Variants in UIMC1 observed in about 807,000 individuals in gnomAD.
UIMC1 encodes the protein ubiquitin interaction motif containing 1, also known as BRCA1-A complex subunit RAP80.
A neutral mutation model predicts 84.9 loss-of-function variants in UIMC1; 42 were observed. The ratio of observed to expected loss-of-function variants is 0.49; its 90% CI spans 0.39 to 0.64. The LOEUF (loss-of-function observed/expected upper bound fraction) is 0.64. UIMC1 is among the 30% of genes least tolerant of loss of function. The pLI, the probability that UIMC1 is intolerant of heterozygous loss-of-function variation, is 0.00. For synonymous variants in UIMC1, 281 were observed against 293.0 expected, an observed-to-expected ratio of 0.96 and a Z score of 0.42; for missense variants, 825 against 847.6, an observed-to-expected ratio of 0.97 and a Z score of 0.33.
chr5:176,907,495 C>T (rs1270296665), intron 12 of UIMC1, among the ~76,000 whole-genome samples: 3 of 152,188 alleles, frequency 2.0e-5, no homozygotes, highest in Non-Finnish European at 2.9e-5. Context: ...TCCAAATCTC[C>T]GCCTCAAAAT....
intron 10 of UIMC1, chr5:176,919,296 C>T (rs1761413956): frequency 5.3e-6 from 1 of 188,612 alleles, no homozygotes; most frequent in Non-Finnish European, 1.2e-5. Context: ...GGATACTAAA[C>T]CCTTAACATA....
At chr5:176,919,176 G>A in intron 10 of UIMC1, 1 of 405,266 alleles carries the variant, frequency 2.5e-6, no homozygotes, top group South Asian at 1.7e-5. Flanking sequence ...GTACCTGGGA[G>A]GCTGAGGTGG....
chr5:176,958,014 A>G (rs1345856165), intron 7 of UIMC1, 79 bp downstream of exon 7: 48 of 1,399,674 alleles, frequency 3.4e-5, no homozygotes, highest in Non-Finnish European at 6.0e-6. Flanking sequence ...CTGTCCACGT[A>G]CAGTCTCACT....
At chr5:177,015,007 C>A (rs1669392199) in intron 1 of UIMC1, among the ~76,000 whole-genome samples, 1 of 152,154 alleles carries the variant, frequency 6.6e-6, no homozygotes. Context: ...CCAAGGAGAA[C>A]AGATCACCTG....
At chr5:176,915,793 C>CA (rs58297107) in intron 10 of UIMC1, among the ~76,000 whole-genome samples, 2,807 of 42,484 alleles carry the variant, frequency 0.066, 60 homozygotes, top group East Asian at 0.11. Flanking sequence ...GGTCACAAAG[C>CA]AAAAAAAAAA....
chr5:176,905,250 A>C lies in UIMC1; in HGVS notation c.*32T>G, dbSNP rs753908921. On this transcript the variant is annotated 3_prime_UTR_variant, in exon 15 of 15. Transcript: ENST00000511320. ...ATGAACATGGCCCACCCCTCCTACTAATGGTTTTGTCAACTTTTGGACCCT... is the reference window on the plus strand; with the variant it reads ...ATGAACATGGCCCACCCCTCCTACTCATGGTTTTGTCAACTTTTGGACCCT... 6.2e-7 allele frequency: 1 copy of C among 1,608,522 alleles called. No homozygotes were observed. Among genetic ancestry groups the C allele is most frequent in the Non-Finnish European group, 8.5e-7 (1 of 1,176,112 alleles).
chr5:176,905,668 A>C, intron 14 of UIMC1, 176 bp from the exon 15 acceptor site: 1 of 682,758 alleles, frequency 1.5e-6, no homozygotes, highest in Non-Finnish European at 2.4e-6. Context: ...TGGGTAAATC[A>C]TATACTACTT....
At chr5:177,014,007 A>C (rs79928632) in intron 1 of UIMC1, among the ~76,000 whole-genome samples, 4,133 of 149,972 alleles carry the variant, frequency 0.028, 207 homozygotes, top group African/African-American at 0.096. Flanking sequence ...AGCATAAACT[A>C]TATTGTTTGC....
chr5:176,940,734 T>TA (rs541967815), intron 10 of UIMC1, among the ~76,000 whole-genome samples: 10 of 151,800 alleles, frequency 6.6e-5, no homozygotes, highest in African/African-American at 1.2e-4. Flanking sequence ...TAGAGACCCT[T>TA]AAAAAAAAAT....
chr5:176,941,264 C>A (rs1007762967), intron 10 of UIMC1, among the ~76,000 whole-genome samples: 1 of 152,028 alleles, frequency 6.6e-6, no homozygotes, highest in Non-Finnish European at 1.5e-5. Flanking sequence ...TACAGTCAGA[C>A]CTCAACTACG....
intron 6 of UIMC1, among the ~76,000 whole-genome samples, chr5:176,959,092 T>A (rs1766976587): frequency 6.6e-6 from 1 of 152,254 alleles, no homozygotes; most frequent in African/African-American, 2.4e-5. Context: ...AGTTGAGTTT[T>A]CAGTCAAAAG....
intron 12 of UIMC1, 136 bp from the exon 13 acceptor site, chr5:176,907,313 T>C: frequency 2.5e-6 from 2 of 792,058 alleles, no homozygotes; most frequent in Non-Finnish European, 4.0e-6. Flanking sequence ...TTTTGCTTTC[T>C]AATAAACGAG....
At position 176,991,119 on chromosome 5, in the gene UIMC1, T is replaced by A. The variant is rs113362003; in HGVS notation, c.-8-8496A>T. On this transcript the variant is annotated intron_variant, in intron 1 of 14. Transcript: ENST00000511320. ...GCCTCCCAGGTTCACACCATTCTCCTGCTTCAGCCTCCTGAGTAGCTGGGA... is the reference window on the plus strand; with the variant it reads ...GCCTCCCAGGTTCACACCATTCTCCAGCTTCAGCCTCCTGAGTAGCTGGGA... Among the ~76,000 whole-genome samples, 642 of 152,258 alleles carry A rather than the reference T, an allele frequency of 4.2e-3. 11 individuals are homozygous for A. Among genetic ancestry groups the A allele is most frequent in the African/African-American group, 0.014 (597 of 41,540 alleles).
At chr5:176,980,500 C>A (rs1356194275) in intron 2 of UIMC1, among the ~76,000 whole-genome samples, 3 of 151,870 alleles carry the variant, frequency 2.0e-5, no homozygotes, top group Admixed American at 1.3e-4. Flanking sequence ...TCCGAGGACA[C>A]AGAAGAAATT....
chr5:177,020,827 A>G (rs564648013), intron 1 of UIMC1, among the ~76,000 whole-genome samples: 1 of 152,332 alleles, frequency 6.6e-6, no homozygotes, highest in South Asian at 2.1e-4. Flanking sequence ...CATGCTCAAA[A>G]TATCATCTAG....
At chr5:176,923,812 C>T (rs1483130756) in intron 10 of UIMC1, among the ~76,000 whole-genome samples, 1 of 142,528 alleles carries the variant, frequency 7.0e-6, no homozygotes, top group African/African-American at 2.6e-5. Context: ...TGCAGTGAGC[C>T]GAGATTGTGC....
intron 2 of UIMC1, among the ~76,000 whole-genome samples, chr5:176,979,114 C>T (rs190772506): frequency 1.6e-4 from 24 of 152,054 alleles, no homozygotes; most frequent in African/African-American, 5.3e-4. Flanking sequence ...CAGAGACACA[C>T]CCATTTATAA....
chr5:176,929,086 T>C (rs550039594), intron 10 of UIMC1, among the ~76,000 whole-genome samples: 1 of 151,392 alleles, frequency 6.6e-6, no homozygotes, highest in Admixed American at 6.6e-5. Context: ...ACCCTGTCTC[T>C]ACTAATAATA....
intron 1 of UIMC1, among the ~76,000 whole-genome samples, chr5:176,988,266 A>C (rs1010593364): frequency 1.3e-5 from 2 of 152,118 alleles, no homozygotes; most frequent in African/African-American, 4.8e-5. Flanking sequence ...AGTGTTGGTA[A>C]GGATGCTGGA....
Sources: gnomAD v4.1 joint callset for allele counts (sites outside exome capture counted in the v4.1 genomes callset) on GRCh38, gnomAD v4.1.1 for gene constraint, MANE v1.5 for transcripts, NCBI Gene and HGNC (gene_info 2026-07-23, HGNC 2026-07-21) for gene names.